Variants in DCAF8L2 observed in about 807,000 individuals in gnomAD.
The protein encoded by DCAF8L2 is DDB1 and CUL4 associated factor 8 like 2.
For missense variants in DCAF8L2, 430 were observed against 490.7 expected (o/e 0.88, Z 1.17); for synonymous variants, 200 against 190.9 (o/e 1.05, Z -0.39).
chrX:27,537,397 G>T, the DCAF8L2 span, among the ~76,000 whole-genome samples: 1 of 112,421 alleles, frequency 8.9e-6, no homozygotes, highest in East Asian at 2.8e-4. Context: ...AGGATTTTGT[G>T]TTAAATATTT....
intron 1 of DCAF8L2, among the ~76,000 whole-genome samples, chrX:27,607,418 T>A (rs192087062): frequency 9.0e-6 from 1 of 111,433 alleles, no homozygotes; most frequent in Non-Finnish European, 1.9e-5. Context: ...ATATCCAATT[T>A]CCTCTGAGAT....
the DCAF8L2 span, among the ~76,000 whole-genome samples, chrX:27,502,333 AAAATATATATATATATATATAT>A: frequency 2.6e-4 from 6 of 23,306 alleles, 1 homozygote; most frequent in Admixed American, 2.3e-3. Flanking sequence ...AAAAAAAAAA[AAAATATATATATATATATATAT>A]ATATATATAT....
At chrX:27,531,357 ACT>A in the DCAF8L2 span, among the ~76,000 whole-genome samples, 3 of 111,028 alleles carry the variant, frequency 2.7e-5, no homozygotes. Context: ...ATCCCACCCC[ACT>A]GATTCAATTA....
At chrX:27,702,205 T>G (rs1931152602) in intron 3 of DCAF8L2, among the ~76,000 whole-genome samples, 1 of 110,208 alleles carries the variant, frequency 9.1e-6, no homozygotes, top group Admixed American at 9.8e-5. Context: ...GAATTAGTAA[T>G]TAACTCCTCT....
chrX:27,619,526 C>T (rs924336244), intron 1 of DCAF8L2, among the ~76,000 whole-genome samples: 52 of 111,635 alleles, frequency 4.7e-4, no homozygotes, highest in African/African-American at 1.6e-3. Flanking sequence ...GATGCTGGAG[C>T]ATAAGCAGAC....
At chrX:27,496,166 A>G in the DCAF8L2 span, among the ~76,000 whole-genome samples, 1 of 111,493 alleles carries the variant, frequency 9.0e-6, no homozygotes, top group Non-Finnish European at 1.9e-5. Context: ...TTCTCATGCT[A>G]TTGACAATGG....
chrX:27,549,560 C>G, the DCAF8L2 span, among the ~76,000 whole-genome samples: 1 of 110,633 alleles, frequency 9.0e-6, no homozygotes, highest in Non-Finnish European at 1.9e-5. Flanking sequence ...CAAATGCATT[C>G]CATATCCAGG....
rs770193284 is a variant in DCAF8L2, at chrX:27,669,505, T to G, written c.-219-8331T>G. ...TTTATTTTTATTATACTTTAAGTTC[T>G]AGGGTACATGTGCACAATGTGCAGG... On this transcript the variant is annotated intron_variant, in intron 2 of 4. Transcript: ENST00000451261. 1.1e-3 allele frequency among the ~76,000 whole-genome samples: 116 copies of G among 110,225 alleles called. No individual in the cohort carries two copies. In the Middle Eastern group the frequency reaches 0.023, roughly 22 times the overall value.
chrX:27,504,475 A>G, the DCAF8L2 span, among the ~76,000 whole-genome samples: 1 of 111,650 alleles, frequency 9.0e-6, no homozygotes, highest in Non-Finnish European at 1.9e-5. Context: ...TCTTATGCCC[A>G]TGGGCCAATC....
the DCAF8L2 span, chrX:27,519,851 A>T: frequency 6.1e-6 from 2 of 326,229 alleles, no homozygotes; most frequent in Non-Finnish European, 1.1e-5. Flanking sequence ...ATAATGAAAA[A>T]GGATGTGTGA....
rs758559050 is a variant in DCAF8L2, at chrX:27,747,119, A to G, written c.224A>G (p.Gln75Arg). Reference protein sequence around the residue: ...DASTENRSSDQESASEDIELE... With the variant: ...DASTENRSSDRESASEDIELE... Reference sequence around the variant, plus strand: ...AGCACAGAAAATCGAAGCTCAGACCAAGAAAGCGCAAGTGAAGACATCGAA... The same window carrying G: ...AGCACAGAAAATCGAAGCTCAGACCGAGAAAGCGCAAGTGAAGACATCGAA... Residue 75 changes from glutamine to arginine, a missense_variant, in exon 5 of 5, where the codon CAA becomes CGA. By Grantham distance (43) the Gln-to-Arg change is conservative (BLOSUM62 1). Transcript: ENST00000451261. The G allele has an allele frequency of 3.4e-4, 396 of 1,165,833 alleles. No homozygotes were observed. Among genetic ancestry groups the G allele is most frequent in the Non-Finnish European group, 4.4e-4 (380 of 872,741 alleles).
the DCAF8L2 span, among the ~76,000 whole-genome samples, chrX:27,499,330 T>G: frequency 8.9e-6 from 1 of 112,382 alleles, no homozygotes; most frequent in East Asian, 2.8e-4. Flanking sequence ...TTAGTGAAGT[T>G]GAACACCTTT....
At chrX:27,507,610 A>G in the DCAF8L2 span, among the ~76,000 whole-genome samples, 1 of 112,076 alleles carries the variant, frequency 8.9e-6, no homozygotes, top group African/African-American at 3.2e-5. Context: ...TTGAATTTTA[A>G]TACTTGCTTC....
At chrX:27,722,002 A>G (rs1215429213) in intron 4 of DCAF8L2, among the ~76,000 whole-genome samples, 1 of 111,822 alleles carries the variant, frequency 8.9e-6, no homozygotes, top group Non-Finnish European at 1.9e-5. Context: ...AGTACATAGA[A>G]AGCTGAAATA....
At chrX:27,670,386 G>A (rs1929907238) in intron 2 of DCAF8L2, among the ~76,000 whole-genome samples, 1 of 110,891 alleles carries the variant, frequency 9.0e-6, no homozygotes, top group South Asian at 3.8e-4. Flanking sequence ...TAAGCAAAAT[G>A]CTATGGGGCA....
chrX:27,504,293 AT>A, the DCAF8L2 span, among the ~76,000 whole-genome samples: 10 of 112,055 alleles, frequency 8.9e-5, no homozygotes, highest in South Asian at 3.7e-3. Context: ...TAATCCCAAT[AT>A]TTGTTAATGA....
At chrX:27,619,004 A>AATCTATCATCTATCTATCTATCT (rs373882054) in intron 1 of DCAF8L2, among the ~76,000 whole-genome samples, 1 of 101,664 alleles carries the variant, frequency 9.8e-6, no homozygotes, top group African/African-American at 3.6e-5. Context: ...ATCTATATCT[A>AATCTATCATCTATCTATCTATCT]ATCTATCTAT....
chrX:27,638,297 C>T (rs557630827), intron 2 of DCAF8L2, among the ~76,000 whole-genome samples: 1 of 111,548 alleles, frequency 9.0e-6, no homozygotes, highest in South Asian at 3.8e-4. Flanking sequence ...AGTTATGCTC[C>T]CCACAGCAGA....
chrX:27,553,429 T>C, the DCAF8L2 span, among the ~76,000 whole-genome samples: 2 of 111,556 alleles, frequency 1.8e-5, no homozygotes, highest in Non-Finnish European at 3.8e-5. Flanking sequence ...ATTTCTGGGC[T>C]CCGGTGTTGG....
Sources: gnomAD v4.1 joint callset for allele counts (sites outside exome capture counted in the v4.1 genomes callset) on GRCh38, gnomAD v4.1.1 for gene constraint, MANE v1.5 for transcripts, NCBI Gene and HGNC (gene_info 2026-07-23, HGNC 2026-07-21) for gene names.